PLCE1: variants seen among roughly 807,000 people sequenced by gnomAD.
PLCE1 encodes the protein phospholipase C epsilon 1.
PLCE1 carries 119 observed loss-of-function variants against 242.8 expected under a neutral mutation model. That is an observed-to-expected ratio of 0.49 (90% CI 0.42 to 0.57). The LOEUF (loss-of-function observed/expected upper bound fraction) is 0.57, where lower values mean the gene tolerates loss of function less well. PLCE1 is among the 20% of genes least tolerant of loss of function. The pLI, the probability that PLCE1 is intolerant of heterozygous loss-of-function variation, is 0.00. For missense variants in PLCE1, 2,441 were observed against 2,788.8 expected, an observed-to-expected ratio of 0.88 and a Z score of 2.81; for synonymous variants, 945 against 1,017.4, an observed-to-expected ratio of 0.93 and a Z score of 1.35.
At chr10:94,231,977 A>C (rs562543987) in intron 5 of PLCE1, among the ~76,000 whole-genome samples, 1 of 152,348 alleles carries the variant, frequency 6.6e-6, no homozygotes, top group East Asian at 1.9e-4. Flanking sequence ...GTCTAAGACT[A>C]TCTACCATGT....
rs925718213 is a variant in PLCE1 at position 94,031,340 on chromosome 10, T to G, written c.294T>G (p.Ser98=). The G allele has an allele frequency of 1.9e-6, 3 of 1,613,814 alleles. No homozygotes were observed. The highest frequency in any genetic ancestry group is 2.5e-6 in the Non-Finnish European group (3 of 1,179,904). ...GTTGGGAGAAAATCATGCCAGATTC[T>G]GCGAAAAACCTTAACATTAACTGCA... is the stretch of plus-strand genomic sequence containing the variant. The part of the protein sequence containing the change: ...EKCWEKIMPD[S]AKNLNINCNN... Residue 98 remains serine, a synonymous_variant, in exon 2 of 33, where the codon TCT becomes TCG. Transcript: ENST00000371380.
intron 3 of PLCE1, among the ~76,000 whole-genome samples, chr10:94,152,751 C>G (rs1177852745): frequency 1.3e-5 from 2 of 152,080 alleles, no homozygotes; most frequent in African/African-American, 4.8e-5. Context: ...TAAATGTTAG[C>G]AAGTGATTTT....
intron 19 of PLCE1, among the ~76,000 whole-genome samples, chr10:94,274,436 A>C (rs2051870291): frequency 6.6e-6 from 1 of 152,184 alleles, no homozygotes; most frequent in South Asian, 2.1e-4. Context: ...TACAGAAACC[A>C]GTTTCTTTAC....
intron 2 of PLCE1, among the ~76,000 whole-genome samples, chr10:94,098,363 A>G (rs1049078787): frequency 2.0e-5 from 3 of 152,168 alleles, no homozygotes; most frequent in African/African-American, 7.2e-5. Context: ...CCTCAGGAGT[A>G]TTTCCCCTCT....
chr10:94,025,951 C>T (rs567334964), intron 1 of PLCE1, among the ~76,000 whole-genome samples: 1 of 152,284 alleles, frequency 6.6e-6, no homozygotes, highest in South Asian at 2.1e-4. Flanking sequence ...TATTTGTTAC[C>T]ACTTTTCAGC....
chr10:94,128,061 T>G (rs1474035435), intron 2 of PLCE1, among the ~76,000 whole-genome samples: 1 of 151,566 alleles, frequency 6.6e-6, no homozygotes, highest in Non-Finnish European at 1.5e-5. Context: ...AATCTCAGCT[T>G]ACTGCAACCT....
At chr10:94,001,774 G>A (rs943367537) in intron 1 of PLCE1, among the ~76,000 whole-genome samples, 18 of 152,154 alleles carry the variant, frequency 1.2e-4, no homozygotes, top group African/African-American at 9.7e-5. Flanking sequence ...TTGATTCAGC[G>A]TGTTTTTCAC....
At chr10:94,162,983 T>C (rs1303404879) in intron 3 of PLCE1, among the ~76,000 whole-genome samples, 1 of 152,222 alleles carries the variant, frequency 6.6e-6, no homozygotes, top group Non-Finnish European at 1.5e-5. Context: ...AGTTTCTTAA[T>C]CCTGAGTTCT....
chr10:94,306,791 A>C lies in PLCE1; in HGVS notation c.5884+103A>C. ...CTTTTCTGTTTGACATTTTCCTATAAAGAAGTTGAATTAAGAAGCAAAAGG... is the reference window on the plus strand; with the variant it reads ...CTTTTCTGTTTGACATTTTCCTATACAGAAGTTGAATTAAGAAGCAAAAGG... On this transcript the variant is annotated intron_variant, in intron 26 of 32. Coordinates refer to ENST00000371380, the MANE Select transcript of PLCE1 (RefSeq NM_016341.4). This position sits in a 1 kb window ranked among gnomAD's most constrained non-coding sequence, Gnocchi z 5.7. 1 of 955,360 alleles carries C rather than the reference A, an allele frequency of 1.0e-6. No homozygotes were observed. The highest frequency in any genetic ancestry group is 1.6e-6 in the Non-Finnish European group (1 of 619,954). The allele number at this position is 955,360 out of a possible 1,614,324, so 59.2% of individuals were successfully genotyped here.
chr10:94,029,880 C>T (rs961291451), intron 1 of PLCE1, among the ~76,000 whole-genome samples: 2 of 152,124 alleles, frequency 1.3e-5, no homozygotes, highest in African/African-American at 4.8e-5. Context: ...ATGATATGCT[C>T]ATCATGGGCA....
At position 94,026,666 on chromosome 10, in the gene PLCE1, G is replaced by GTA. The variant is rs958996224; in HGVS notation, c.-364-4007_-364-4006dup. 4.6e-5 allele frequency among the ~76,000 whole-genome samples: 7 copies of GTA among 152,160 alleles called. No individual in the cohort carries two copies. In the South Asian group the frequency reaches 8.3e-4, roughly 18 times the overall value. ...GTCAGCTGCTGCTGACATACAAAAT[G>GTA]TATATATATATTTCATCTCAATATT... On this transcript the variant is annotated intron_variant, in intron 1 of 32. Coordinates refer to ENST00000371380, the MANE Select transcript of PLCE1 (RefSeq NM_016341.4).
chr10:94,284,872 G>T lies in PLCE1; in HGVS notation c.4942G>T (p.Glu1648Ter). The T allele has an allele frequency of 6.2e-7, 1 of 1,605,940 alleles. No individual in the cohort carries two copies. The highest frequency in any genetic ancestry group is 8.5e-7 in the Non-Finnish European group (1 of 1,172,662). ...GKVYDMELGE[E>*]FYLDQNKKES... ...GGTTTATGATATGGAACTGGGAGAA[G>T]AATTTTATCTTGATCAGAATAAAAA... is the stretch of plus-strand genomic sequence containing the variant. The change falls in exon 22 of 33, where the codon GAA becomes TAA. Residue 1648 changes from glutamate (E) to a stop codon, truncating the protein, a stop_gained. Coordinates refer to ENST00000371380, the MANE Select transcript of PLCE1 (RefSeq NM_016341.4). LOFTEE classifies it high-confidence loss of function.
At chr10:94,106,912 T>TTCTCTCCCTCTCTCTCTCTC (rs2045757667) in intron 2 of PLCE1, among the ~76,000 whole-genome samples, 3 of 38,768 alleles carry the variant, frequency 7.7e-5, no homozygotes, top group Non-Finnish European at 5.0e-5. Context: ...TGTCTCTTGT[T>TTCTCTCCCTCTCTCTCTCTC]TCTCTCTCTC....
rs967229940 is a variant in PLCE1 at position 94,306,309 on chromosome 10, C to G, written c.5623-118C>G. The G allele has an allele frequency of 5.2e-6, 8 of 1,541,792 alleles. No individual in the cohort carries two copies. The highest frequency in any genetic ancestry group is 7.2e-6 in the Non-Finnish European group (8 of 1,116,518). ...TTTTTAAACAGTTTTATTCATCATT[C>G]ACTTTGTCCATTCCAGTGTTCTTGG... On this transcript the variant is annotated intron_variant, in intron 25 of 32. Transcript: ENST00000371380. The surrounding 1 kb of genome is among the most constrained non-coding windows in gnomAD (Gnocchi z 5.7).
At chr10:94,178,629 A>G (rs1373634068) in intron 4 of PLCE1, among the ~76,000 whole-genome samples, 1 of 152,194 alleles carries the variant, frequency 6.6e-6, no homozygotes, top group East Asian at 1.9e-4. Flanking sequence ...AAGAATAAAT[A>G]AACCATCTGG....
chr10:94,224,197 G>A (rs1341509554), intron 4 of PLCE1, among the ~76,000 whole-genome samples: 2 of 152,070 alleles, frequency 1.3e-5, no homozygotes, highest in Non-Finnish European at 2.9e-5. Flanking sequence ...ACTCACACTC[G>A]GCAATGGAAC....
At chr10:94,050,453 C>G (rs992442163) in intron 2 of PLCE1, among the ~76,000 whole-genome samples, 1 of 152,094 alleles carries the variant, frequency 6.6e-6, no homozygotes, top group African/African-American at 2.4e-5. Context: ...TCCCTCAACA[C>G]GTGGGGTCTA....
At chr10:94,011,076 C>A (rs1366037936) in intron 1 of PLCE1, among the ~76,000 whole-genome samples, 1 of 152,086 alleles carries the variant, frequency 6.6e-6, no homozygotes, top group Non-Finnish European at 1.5e-5. Flanking sequence ...TAAAGAAATG[C>A]CTGAGGCTGG....
At chr10:94,037,274 A>G (rs2061682655) in intron 2 of PLCE1, among the ~76,000 whole-genome samples, 1 of 152,104 alleles carries the variant, frequency 6.6e-6, no homozygotes, top group South Asian at 2.1e-4. Flanking sequence ...CCTGAACCTT[A>G]GGGGAGAGAT....
Sources: gnomAD v4.1 joint callset for allele counts (sites outside exome capture counted in the v4.1 genomes callset) on GRCh38, gnomAD v4.1.1 for gene constraint, Gnocchi (gnomAD v3.1) non-coding constraint, MANE v1.5 for transcripts, NCBI Gene and HGNC (gene_info 2026-07-23, HGNC 2026-07-21) for gene names.